Variants in CDK14 observed in about 807,000 individuals in gnomAD.
CDK14 encodes cyclin dependent kinase 14.
A neutral mutation model predicts 60.7 loss-of-function variants in CDK14; 34 were observed. The observed-to-expected ratio is 0.56, with a 90% confidence interval of 0.43 to 0.75. The LOEUF (loss-of-function observed/expected upper bound fraction) is 0.75, where lower values mean the gene tolerates loss of function less well. CDK14 is among the 30% of genes least tolerant of loss of function. The pLI, the probability that CDK14 is intolerant of heterozygous loss-of-function variation, is 0.00. For synonymous variants in CDK14, 197 were observed against 203.7 expected (o/e 0.97, Z 0.28); for missense variants, 482 against 564.1 (o/e 0.85, Z 1.47).
At chr7:91,147,158 TCTCTCACACACACACACACA>T (rs1315681308) in intron 14 of CDK14, among the ~76,000 whole-genome samples, 54 of 107,634 alleles carry the variant, frequency 5.0e-4, no homozygotes, top group African/African-American at 1.7e-3. Flanking sequence ...TCTCTCTCTC[TCTCTCACACACACACACACA>T]CACACACACA....
chr7:90,722,343 A>G (rs1049699541), intron 2 of CDK14, among the ~76,000 whole-genome samples: 2 of 152,056 alleles, frequency 1.3e-5, no homozygotes, highest in Admixed American at 6.6e-5. Context: ...AGGTGGGACT[A>G]CAGGTGTGCA....
chr7:90,636,859 T>A (rs940064905), intron 2 of CDK14, among the ~76,000 whole-genome samples: 1 of 152,082 alleles, frequency 6.6e-6, no homozygotes, highest in African/African-American at 2.4e-5. Flanking sequence ...TGGTTTAGTC[T>A]TGGGAGAGTG....
intron 13 of CDK14, among the ~76,000 whole-genome samples, chr7:91,115,904 A>G (rs1799596318): frequency 6.6e-6 from 1 of 152,176 alleles, no homozygotes; most frequent in Non-Finnish European, 1.5e-5. Context: ...CAAAATTTAG[A>G]GGTAATGTAT....
chr7:91,025,239 T>A (rs1796538931), intron 10 of CDK14, among the ~76,000 whole-genome samples: 1 of 152,186 alleles, frequency 6.6e-6, no homozygotes, highest in Non-Finnish European at 1.5e-5. Context: ...TGCACTATAC[T>A]GCGGTTGTAC....
At chr7:90,839,256 AG>A (rs1245262290) in intron 5 of CDK14, among the ~76,000 whole-genome samples, 1 of 152,204 alleles carries the variant, frequency 6.6e-6, no homozygotes, top group Non-Finnish European at 1.5e-5. Context: ...ATCAAGTCTC[AG>A]TGGTTGATTG....
intron 14 of CDK14, among the ~76,000 whole-genome samples, chr7:91,173,797 G>A (rs921517842): frequency 3.9e-5 from 6 of 152,212 alleles, no homozygotes; most frequent in African/African-American, 1.4e-4. Context: ...ACCTGGCTCG[G>A]AGGGTCCTAC....
chr7:91,111,857 T>C (rs1379933803), intron 12 of CDK14, among the ~76,000 whole-genome samples: 1 of 152,190 alleles, frequency 6.6e-6, no homozygotes, highest in Non-Finnish European at 1.5e-5. Flanking sequence ...GAAGTGCTGC[T>C]ACCCATTTGA....
chr7:90,614,725 G>C (rs538984808), intron 2 of CDK14, among the ~76,000 whole-genome samples: 10 of 152,202 alleles, frequency 6.6e-5, no homozygotes, highest in Admixed American at 1.3e-4. Context: ...TGGAATTACA[G>C]ACATGAGCCA....
At chr7:90,663,095 A>AACACACACACAC (rs111918409) in intron 2 of CDK14, among the ~76,000 whole-genome samples, 26 of 132,054 alleles carry the variant, frequency 2.0e-4, no homozygotes, top group African/African-American at 7.0e-4. Flanking sequence ...CTAAGATGGG[A>AACACACACACAC]ACACACACAC....
chr7:90,756,443 T>C (rs557650997), intron 4 of CDK14, among the ~76,000 whole-genome samples: 40 of 152,380 alleles, frequency 2.6e-4, no homozygotes, highest in South Asian at 1.2e-3. Context: ...AAGATTGTTC[T>C]GGACGGTTAA....
intron 5 of CDK14, among the ~76,000 whole-genome samples, chr7:90,791,257 T>G (rs1805819223): frequency 6.6e-6 from 1 of 152,194 alleles, no homozygotes; most frequent in Non-Finnish European, 1.5e-5. Context: ...CTATCTTTGC[T>G]TTGTTACCTG....
At chr7:91,131,341 T>A (rs1800111588) in intron 14 of CDK14, among the ~76,000 whole-genome samples, 1 of 152,086 alleles carries the variant, frequency 6.6e-6, no homozygotes, top group African/African-American at 2.4e-5. Context: ...AAGAAGTACA[T>A]GATATCCACA....
chr7:90,911,596 G>A (rs3808241), intron 7 of CDK14, among the ~76,000 whole-genome samples: 5,793 of 152,120 alleles, frequency 0.038, 313 homozygotes, highest in East Asian at 0.18. Context: ...AAATTGAACC[G>A]CATATATTAA....
At chr7:91,056,869 AC>A in intron 11 of CDK14, among the ~76,000 whole-genome samples, 1 of 152,306 alleles carries the variant, frequency 6.6e-6, no homozygotes, top group Admixed American at 6.5e-5. Flanking sequence ...CAATAAACAT[AC>A]GTGTGTACGT....
chr7:90,908,997 TTGAG>T (rs1307301248), intron 7 of CDK14, among the ~76,000 whole-genome samples: 17 of 152,182 alleles, frequency 1.1e-4, no homozygotes, highest in African/African-American at 3.6e-4. Flanking sequence ...TTCATTTTGA[TTGAG>T]TATCTAAAAT....
At chr7:90,909,646 T>C (rs1792826882) in intron 7 of CDK14, among the ~76,000 whole-genome samples, 1 of 152,022 alleles carries the variant, frequency 6.6e-6, no homozygotes. Flanking sequence ...ACCACCTTGC[T>C]TGGTATCCAC....
chr7:90,904,842 A>G (rs1792640858), intron 7 of CDK14, among the ~76,000 whole-genome samples: 1 of 152,228 alleles, frequency 6.6e-6, no homozygotes, highest in African/African-American at 2.4e-5. Context: ...CACGGGATCA[A>G]GAATTACAAT....
intron 3 of CDK14, 43 bp from the exon 4 acceptor site, chr7:90,747,638 A>C: frequency 8.8e-7 from 1 of 1,142,278 alleles, no homozygotes; most frequent in East Asian, 2.6e-5. Context: ...TTGTTAATTA[A>C]TTTGATACAA....
Position 91,124,843 on chromosome 7 carries a change from G to T in CDK14, c.*28+6635G>T, listed in dbSNP as rs567841293. Reference sequence around the variant, plus strand: ...ACAAGGAAGTTAGCAGTCACATATAGAAAGTAGTTAGAATCAGTTCAGGTG... The same window carrying T: ...ACAAGGAAGTTAGCAGTCACATATATAAAGTAGTTAGAATCAGTTCAGGTG... On this transcript the variant is annotated intron_variant, in intron 14 of 14. Coordinates refer to ENST00000380050, the MANE Select transcript of CDK14 (RefSeq NM_001287135.2). Among the ~76,000 whole-genome samples the T allele has an allele frequency of 2.5e-3, 381 of 152,286 alleles. 1 individual carries two copies. Among genetic ancestry groups the T allele is most frequent in the African/African-American group, 8.6e-3 (358 of 41,574 alleles).
Sources: gnomAD v4.1 joint callset for allele counts (sites outside exome capture counted in the v4.1 genomes callset) on GRCh38, gnomAD v4.1.1 for gene constraint, MANE v1.5 for transcripts, NCBI Gene and HGNC (gene_info 2026-07-23, HGNC 2026-07-21) for gene names.